Variants in TMEM14A observed in about 807,000 individuals in gnomAD.
TMEM14A encodes the protein transmembrane protein 14A.
TMEM14A carries 8 observed loss-of-function variants against 11.6 expected under a neutral mutation model. The ratio of observed to expected loss-of-function variants is 0.69; its 90% CI spans 0.40 to 1.24. The LOEUF (loss-of-function observed/expected upper bound fraction) is 1.24. Ranked by LOEUF, TMEM14A falls within the 50% of genes most tolerant of loss-of-function variation. The probability of loss-of-function intolerance (pLI) is 0.01; values close to 1 mark genes in which losing one functional copy is unlikely to be tolerated. For missense variants in TMEM14A, 108 were observed against 121.9 expected, an observed-to-expected ratio of 0.89 and a Z score of 0.54; for synonymous variants, 34 against 45.5, an observed-to-expected ratio of 0.75 and a Z score of 1.02.
chr6:52,671,993 C>A (rs1483049190), intron 1 of TMEM14A, among the ~76,000 whole-genome samples: 1 of 152,184 alleles, frequency 6.6e-6, no homozygotes, highest in East Asian at 1.9e-4. Context: ...ACAGAATCTT[C>A]TTGCAAGCAT....
intron 1 of TMEM14A, among the ~76,000 whole-genome samples, chr6:52,671,586 C>A (rs1304849192): frequency 6.6e-6 from 1 of 152,156 alleles, no homozygotes; most frequent in African/African-American, 2.4e-5. Flanking sequence ...AGACCCCACT[C>A]GAAAATGTGC....
At chr6:52,680,657 G>GTGTA (rs1769357098) in intron 2 of TMEM14A, among the ~76,000 whole-genome samples, 1 of 46,660 alleles carries the variant, frequency 2.1e-5, no homozygotes, top group Non-Finnish European at 4.1e-5. Context: ...ATATGTGTGT[G>GTGTA]TATATATATG....
At chr6:52,671,372 T>C (rs867943496) in intron 1 of TMEM14A, 127 bp downstream of exon 1, 10 of 152,228 alleles carry the variant, frequency 6.6e-5, no homozygotes, top group Non-Finnish European at 1.0e-4. Flanking sequence ...CAAACGATGA[T>C]GCAGAGGACC....
chr6:52,675,839 A>C (rs1489517207), intron 1 of TMEM14A, among the ~76,000 whole-genome samples: 2 of 152,214 alleles, frequency 1.3e-5, no homozygotes, highest in East Asian at 3.8e-4. Flanking sequence ...TATAAGATGG[A>C]ATTGTGGAAG....
intron 1 of TMEM14A, among the ~76,000 whole-genome samples, chr6:52,673,237 A>G (rs1460750642): frequency 1.3e-5 from 2 of 152,106 alleles, no homozygotes; most frequent in African/African-American, 2.4e-5. Flanking sequence ...GAACTAGGGA[A>G]CCCAGGCCTG....
In TMEM14A at chr6:52,686,021, T is replaced by C. The variant is rs1769486901; in HGVS notation, c.272T>C (p.Ile91Thr). Residue 91 changes from isoleucine (I) to threonine (T), a missense_variant, in exon 5 of 5, where the codon ATC becomes ACC. Ile to Thr is a moderately conservative substitution (Grantham distance 89). Coordinates refer to ENST00000211314, the MANE Select transcript of TMEM14A (RefSeq NM_014051.4). ...GLVAGLSLMM[I>T]LRLVLLLL The stretch of plus-strand genomic sequence containing the variant: ...TATTTTAAATCCAGCCTCATGATGA[T>C]CCTGAGACTTGTCTTGTTGCTGCTC... The C allele has an allele frequency of 6.2e-7, 1 of 1,611,730 alleles. No homozygotes were observed. Among genetic ancestry groups the C allele is most frequent in the African/African-American group, 1.3e-5 (1 of 74,894 alleles).
At chr6:52,679,069 T>G (rs938060869) in intron 2 of TMEM14A, among the ~76,000 whole-genome samples, 3 of 152,198 alleles carry the variant, frequency 2.0e-5, no homozygotes, top group Admixed American at 6.5e-5. Flanking sequence ...AAATGGTGTT[T>G]AGTGGGAGGA....
rs2127266004 is a variant in TMEM14A at position 52,684,155 on chromosome 6, G to A, written c.250G>A (p.Ala84Thr). The part of the protein sequence containing the change: ...SKKIMPAGLV[A>T]GLSLMMILRL... ...GAAAATAATGCCTGCTGGTTTGGTTGCAGGTTTAAGGTAAGTAAAACTATT... is the reference window on the plus strand; with the variant it reads ...GAAAATAATGCCTGCTGGTTTGGTTACAGGTTTAAGGTAAGTAAAACTATT... The change falls in exon 4 of 5, where the codon GCA (alanine) becomes ACA (threonine). Residue 84 changes from alanine to threonine, a missense_variant. Physicochemically the swap from Ala to Thr is moderately conservative, Grantham distance 58 (BLOSUM62 0). Transcript: ENST00000211314. 1 of 1,613,620 alleles carries A rather than the reference G, an allele frequency of 6.2e-7. No homozygotes were observed. The highest frequency in any genetic ancestry group is 8.5e-7 in the Non-Finnish European group (1 of 1,179,756).
At chr6:52,679,227 G>T (rs1171635193) in intron 2 of TMEM14A, among the ~76,000 whole-genome samples, 2 of 152,142 alleles carry the variant, frequency 1.3e-5, no homozygotes, top group Non-Finnish European at 2.9e-5. Context: ...CACTGTGCTT[G>T]CCTGGGCTCA....
At chr6:52,673,344 G>A (rs1769197083) in intron 1 of TMEM14A, among the ~76,000 whole-genome samples, 1 of 95,266 alleles carries the variant, frequency 1.0e-5, no homozygotes, top group South Asian at 5.2e-4. Context: ...TTGAGGCCTT[G>A]AATTTTGAGT....
chr6:52,678,072 G>GA (rs899915679), intron 2 of TMEM14A, among the ~76,000 whole-genome samples: 4 of 150,142 alleles, frequency 2.7e-5, no homozygotes, highest in Admixed American at 1.3e-4. Context: ...GTATTTGAAG[G>GA]AAAAAAAAAG....
At chr6:52,681,010 A>T (rs1190665195) in intron 2 of TMEM14A, among the ~76,000 whole-genome samples, 1 of 151,870 alleles carries the variant, frequency 6.6e-6, no homozygotes, top group African/African-American at 2.4e-5. Flanking sequence ...TGGATATTTT[A>T]AAAATGAGAT....
intron 3 of TMEM14A, among the ~76,000 whole-genome samples, chr6:52,682,443 A>C (rs1430325917): frequency 6.6e-6 from 1 of 152,198 alleles, no homozygotes. Flanking sequence ...CTTTCATCTC[A>C]CTTGAAAGAG....
chr6:52,672,405 C>T (rs1196608446), intron 1 of TMEM14A, among the ~76,000 whole-genome samples: 2 of 152,004 alleles, frequency 1.3e-5, no homozygotes, highest in African/African-American at 2.4e-5. Context: ...AAAATTAGGT[C>T]TAGAAGTTAC....
chr6:52,675,476 G>C (rs1197988770), intron 1 of TMEM14A, among the ~76,000 whole-genome samples: 1 of 152,210 alleles, frequency 6.6e-6, no homozygotes, highest in East Asian at 1.9e-4. Context: ...GGAGGGGCAT[G>C]GTCTGAGGCC....
chr6:52,673,805 A>G (rs184359012), intron 1 of TMEM14A, among the ~76,000 whole-genome samples: 1 of 152,350 alleles, frequency 6.6e-6, no homozygotes, highest in Admixed American at 6.5e-5. Flanking sequence ...GTTAAGTCGA[A>G]TTGACTACAA....
At chr6:52,678,013 C>T (rs1241384244) in intron 2 of TMEM14A, among the ~76,000 whole-genome samples, 1 of 151,974 alleles carries the variant, frequency 6.6e-6, no homozygotes, top group Non-Finnish European at 1.5e-5. Flanking sequence ...TGTAATTCAC[C>T]TTGGATTTTT....
intron 4 of TMEM14A, among the ~76,000 whole-genome samples, chr6:52,684,714 A>T (rs1223151846): frequency 1.3e-5 from 2 of 152,258 alleles, no homozygotes; most frequent in Admixed American, 1.3e-4. Context: ...ATAACATTTT[A>T]AAAATTTCTC....
intron 4 of TMEM14A, among the ~76,000 whole-genome samples, chr6:52,684,532 T>C (rs1203872048): frequency 6.6e-6 from 1 of 152,208 alleles, no homozygotes; most frequent in Middle Eastern, 3.2e-3. Flanking sequence ...AGTGACAGTG[T>C]GATACAGTTA....
Sources: gnomAD v4.1 joint callset for allele counts (sites outside exome capture counted in the v4.1 genomes callset) on GRCh38, gnomAD v4.1.1 for gene constraint, MANE v1.5 for transcripts, NCBI Gene and HGNC (gene_info 2026-07-23, HGNC 2026-07-21) for gene names.